ZSWIM6: variants seen among roughly 807,000 people sequenced by gnomAD.
The protein encoded by ZSWIM6 is zinc finger SWIM-type containing 6.
A neutral mutation model predicts 113.2 loss-of-function variants in ZSWIM6; 9 were observed. The ratio of observed to expected loss-of-function variants is 0.08; its 90% CI spans 0.05 to 0.14. ZSWIM6 has a LOEUF of 0.14. Among genes scored for constraint, ZSWIM6 ranks in the 10% least tolerant of loss-of-function variants. The probability of loss-of-function intolerance (pLI) is 1.00; values close to 1 mark genes in which losing one functional copy is unlikely to be tolerated. For missense variants in ZSWIM6, 1,162 were observed against 1,552.2 expected (o/e 0.75, Z 4.22); for synonymous variants, 611 against 606.5 (o/e 1.01, Z -0.11).
At chr5:61,507,636 A>G (rs1167677213) in intron 4 of ZSWIM6, among the ~76,000 whole-genome samples, 2 of 152,158 alleles carry the variant, frequency 1.3e-5, no homozygotes, top group African/African-American at 2.4e-5. Context: ...GTCCTGAAAA[A>G]TTGCAGTTTT....
intron 1 of ZSWIM6, among the ~76,000 whole-genome samples, chr5:61,398,328 A>C (rs375647042): frequency 3.4e-4 from 51 of 152,098 alleles, no homozygotes; most frequent in African/African-American, 1.2e-3. Flanking sequence ...TAGGTTGCAC[A>C]CTCCTTATGA....
intron 1 of ZSWIM6, among the ~76,000 whole-genome samples, chr5:61,431,605 C>T (rs756399568): frequency 1.4e-5 from 2 of 146,488 alleles, no homozygotes; most frequent in African/African-American, 5.1e-5. Flanking sequence ...ATTAGCCGGG[C>T]GTGGTGGTGG....
chr5:61,339,530 GCTTA>G (rs1234172787), intron 1 of ZSWIM6, among the ~76,000 whole-genome samples: 1 of 152,050 alleles, frequency 6.6e-6, no homozygotes, highest in Non-Finnish European at 1.5e-5. Flanking sequence ...ATTTTAAGAA[GCTTA>G]CTTACATATA....
rs1353395120 is a variant in ZSWIM6, at chr5:61,332,923, C to A, written c.651C>A (p.Gly217=). ...GGGGCATCGCGCTGTTGGAAAGCGG[C>A]TGCGTAGACAACGTCCTGCAAGTCG... ...FRRGIALLES[G]CVDNVLQVGF... is the part of the protein sequence containing the mutation. Residue 217 remains glycine (G), a synonymous_variant, in exon 1 of 14, where the codon GGC becomes GGA. Coordinates refer to ENST00000252744, the MANE Select transcript of ZSWIM6 (RefSeq NM_020928.2). The A allele has an allele frequency of 2.2e-6, 3 of 1,355,598 alleles. No individual in the cohort carries two copies. Among genetic ancestry groups the A allele is most frequent in the East Asian group, 3.3e-5 (1 of 30,374 alleles). 84.0% of individuals were successfully genotyped at this position (1,355,598 alleles called of 1,614,324 possible). A position where few individuals can be genotyped will look rare whatever the true frequency, so the allele number is the denominator to read the frequency against.
At chr5:61,542,107 C>A in intron 13 of ZSWIM6, 142 bp downstream of exon 13, 1 of 631,186 alleles carries the variant, frequency 1.6e-6, no homozygotes, top group Non-Finnish European at 2.7e-6. Flanking sequence ...GCTTCCTTCT[C>A]CCTGACCCCT....
At chr5:61,333,621 T>G (rs572359708) in intron 1 of ZSWIM6, among the ~76,000 whole-genome samples, 19 of 151,184 alleles carry the variant, frequency 1.3e-4, no homozygotes, top group Non-Finnish European at 2.7e-4. Flanking sequence ...TCTTTGCGCC[T>G]CCTCAGTCTC....
At chr5:61,437,893 T>C (rs1247811614) in intron 1 of ZSWIM6, among the ~76,000 whole-genome samples, 1 of 152,064 alleles carries the variant, frequency 6.6e-6, no homozygotes, top group Admixed American at 6.6e-5. Context: ...GTTCAAACTA[T>C]TGTGCCAATA....
At chr5:61,412,454 T>C (rs1746165943) in intron 1 of ZSWIM6, among the ~76,000 whole-genome samples, 1 of 152,198 alleles carries the variant, frequency 6.6e-6, no homozygotes, top group African/African-American at 2.4e-5. Flanking sequence ...CAGGAATTAG[T>C]GATGTGGAGG....
chr5:61,416,382 C>T (rs1262592844), intron 1 of ZSWIM6, among the ~76,000 whole-genome samples: 1 of 152,212 alleles, frequency 6.6e-6, no homozygotes, highest in East Asian at 1.9e-4. Flanking sequence ...TTTAGACACT[C>T]TAGCAGTAGT....
At chr5:61,527,740 A>C (rs1749325760) in intron 7 of ZSWIM6, among the ~76,000 whole-genome samples, 1 of 152,224 alleles carries the variant, frequency 6.6e-6, no homozygotes, top group Non-Finnish European at 1.5e-5. Context: ...TATACTGTGC[A>C]AAAAGAGAGC....
chr5:61,499,136 A>G (rs962126078), intron 4 of ZSWIM6, among the ~76,000 whole-genome samples: 3 of 152,224 alleles, frequency 2.0e-5, no homozygotes, highest in Admixed American at 2.0e-4. Context: ...TACCATGAAG[A>G]AAAAGCAATT....
At chr5:61,375,131 G>T in intron 1 of ZSWIM6, 1 of 1,610,976 alleles carries the variant, frequency 6.2e-7, no homozygotes. Flanking sequence ...CGGGACAATC[G>T]GGTGGCCTAT....
intron 3 of ZSWIM6, 138 bp from the exon 4 acceptor site, chr5:61,494,122 C>CCACACA (rs35518308): frequency 5.6e-6 from 4 of 718,628 alleles, no homozygotes; most frequent in African/African-American, 1.8e-5. Flanking sequence ...CTATCCTCCA[C>CCACACA]CACACACACA....
At chr5:61,464,446 C>T (rs974550932) in intron 1 of ZSWIM6, among the ~76,000 whole-genome samples, 26 of 152,164 alleles carry the variant, frequency 1.7e-4, no homozygotes, top group South Asian at 6.2e-4. Context: ...TGTTCTACCA[C>T]GGCCTCTCCT....
chr5:61,406,941 GACTTCAGGTGATCCACCC>G (rs1315768022), intron 1 of ZSWIM6, among the ~76,000 whole-genome samples: 2 of 152,152 alleles, frequency 1.3e-5, no homozygotes, highest in Non-Finnish European at 2.9e-5. Context: ...TCGAACTCCT[GACTTCAGGTGATCCACCC>G]ACCTCAGCCT....
chr5:61,340,962 T>C (rs1262216539), intron 1 of ZSWIM6, among the ~76,000 whole-genome samples: 1 of 152,244 alleles, frequency 6.6e-6, no homozygotes, highest in African/African-American at 2.4e-5. Flanking sequence ...AGAAAAAGGA[T>C]TGTTAACTAC....
At chr5:61,495,436 A>G (rs1033522809) in intron 4 of ZSWIM6, among the ~76,000 whole-genome samples, 1 of 152,170 alleles carries the variant, frequency 6.6e-6, no homozygotes, top group Non-Finnish European at 1.5e-5. Context: ...TCTTTTTCCT[A>G]TTAATAGGAT....
At chr5:61,514,632 T>C (rs369308687) in intron 4 of ZSWIM6, among the ~76,000 whole-genome samples, 1 of 152,184 alleles carries the variant, frequency 6.6e-6, no homozygotes, top group African/African-American at 2.4e-5. Flanking sequence ...TTGAGATTAT[T>C]ATATGGTTTT....
chr5:61,389,352 G>A (rs1745653557), intron 1 of ZSWIM6, among the ~76,000 whole-genome samples: 1 of 151,468 alleles, frequency 6.6e-6, no homozygotes, highest in Admixed American at 6.6e-5. Context: ...TCAGGAGTTC[G>A]AGACCATCCT....
Sources: allele counts gnomAD v4.1 joint callset (sites outside exome capture counted in the v4.1 genomes callset), GRCh38; gene constraint gnomAD v4.1.1; transcripts MANE v1.5; gene names NCBI Gene and HGNC (gene_info 2026-07-23, HGNC 2026-07-21).